Variants in BAIAP2 observed in about 807,000 individuals in gnomAD.
BAIAP2 encodes the protein BAR/IMD domain containing adaptor protein 2, also known as BAR/IMD domain-containing adapter protein 2.
In BAIAP2, 18 loss-of-function variants were observed where a neutral mutation model predicts 63.0. The ratio of observed to expected loss-of-function variants is 0.29; its 90% CI spans 0.20 to 0.42. BAIAP2 has a LOEUF of 0.42. Among genes scored for constraint, BAIAP2 ranks in the 10% least tolerant of loss-of-function variants. The pLI is 1.00. For synonymous variants in BAIAP2, 386 were observed against 307.6 expected (o/e 1.25, Z -2.67); for missense variants, 610 against 734.3 (o/e 0.83, Z 1.96).
At chr17:81,051,713 A>G (rs2048708852) in intron 1 of BAIAP2, among the ~76,000 whole-genome samples, 1 of 152,000 alleles carries the variant, frequency 6.6e-6, no homozygotes, top group Admixed American at 6.6e-5. Context: ...TTTTAGAGAC[A>G]GGGTCTCACT....
At chr17:81,036,261 C>G (rs1201328178) in intron 1 of BAIAP2, among the ~76,000 whole-genome samples, 1 of 152,230 alleles carries the variant, frequency 6.6e-6, no homozygotes, top group Non-Finnish European at 1.5e-5. Context: ...CTGGGTGTCC[C>G]TGGGTCCTGG....
intron 6 of BAIAP2, among the ~76,000 whole-genome samples, chr17:81,091,299 G>T (rs1331419395): frequency 3.3e-5 from 5 of 151,370 alleles, no homozygotes; most frequent in Non-Finnish European, 7.4e-5. Context: ...CCTGCTGGTT[G>T]CAGGGAAAGG....
At chr17:81,104,820 C>A in intron 10 of BAIAP2, 105 bp downstream of exon 10, 2 of 1,265,130 alleles carry the variant, frequency 1.6e-6, no homozygotes, top group Non-Finnish European at 2.2e-6. Context: ...AGTGGCTGTG[C>A]AGGTTGCGGG....
intron 2 of BAIAP2, chr17:81,057,626 TGAATAGCTC>T: frequency 8.2e-7 from 1 of 1,224,920 alleles, no homozygotes; most frequent in South Asian, 3.2e-5. Flanking sequence ...CAATTTGACT[TGAATAGCTC>T]AGGACCTGAA....
rs371249844 is a variant in BAIAP2, at chr17:81,104,016, C to T, written c.974C>T (p.Ser325Phe). 1.2e-6 allele frequency: 2 copies of T among 1,613,274 alleles called. No homozygotes were observed. Among genetic ancestry groups the T allele is most frequent in the Admixed American group, 1.7e-5 (1 of 60,032 alleles). The change falls in exon 9 of 14, where the codon TCT (serine) becomes TTT (phenylalanine). Residue 325 changes from serine (S) to phenylalanine (F), a missense_variant. Physicochemically the swap from Ser to Phe is radical, Grantham distance 155. Coordinates refer to ENST00000428708, the MANE Select transcript of BAIAP2 (RefSeq NM_001144888.2). ...DRKAAQPKSLSPPQSQSKLSD... is the reference protein window; with the variant it reads ...DRKAAQPKSLFPPQSQSKLSD... The stretch of plus-strand genomic sequence containing the variant: ...AAGGCTGCCCAGCCCAAATCCCTGT[C>T]TCCTCCGCAGTCTCAGAGCAAGCTC...
At chr17:81,081,960 C>T (rs944874629) in intron 3 of BAIAP2, among the ~76,000 whole-genome samples, 4 of 152,124 alleles carry the variant, frequency 2.6e-5, no homozygotes, top group Non-Finnish European at 5.9e-5. Flanking sequence ...AGGGCTGGGG[C>T]TGGCATCCGT....
At chr17:81,074,167 C>T (rs1296361328) in intron 3 of BAIAP2, among the ~76,000 whole-genome samples, 2 of 152,188 alleles carry the variant, frequency 1.3e-5, no homozygotes, top group African/African-American at 4.8e-5. Context: ...CGTGATGAGG[C>T]AGAGAAGGTC....
intron 10 of BAIAP2, chr17:81,105,773 G>C: frequency 3.2e-6 from 1 of 315,570 alleles, no homozygotes. Context: ...GTGGCTTAGC[G>C]TGACACTGGG....
intron 4 of BAIAP2, 87 bp downstream of exon 4, chr17:81,084,980 G>T: frequency 7.3e-7 from 1 of 1,371,472 alleles, no homozygotes; most frequent in Non-Finnish European, 1.0e-6. Context: ...GTCCACTTGG[G>T]AACAGTCCCA....
intron 3 of BAIAP2, among the ~76,000 whole-genome samples, chr17:81,072,767 C>T (rs2052929801): frequency 6.6e-6 from 1 of 151,920 alleles, no homozygotes; most frequent in Admixed American, 6.6e-5. Flanking sequence ...GCGTCCTCTG[C>T]TTGGAGGTGG....
At chr17:81,038,839 G>A (rs2046666394) in intron 1 of BAIAP2, among the ~76,000 whole-genome samples, 1 of 152,168 alleles carries the variant, frequency 6.6e-6, no homozygotes, top group Admixed American at 6.5e-5. Context: ...GGTGGGGGGT[G>A]GTCTCTGACA....
chr17:81,074,339 AGT>A (rs938414547), intron 3 of BAIAP2, among the ~76,000 whole-genome samples: 12 of 147,906 alleles, frequency 8.1e-5, no homozygotes, highest in Admixed American at 1.4e-4. Flanking sequence ...GATACGTGTG[AGT>A]GTGCGTGCAC....
chr17:81,051,497 T>G (rs1413495039), intron 1 of BAIAP2, among the ~76,000 whole-genome samples: 1 of 152,136 alleles, frequency 6.6e-6, no homozygotes, highest in Non-Finnish European at 1.5e-5. Context: ...CCTCCCAGGT[T>G]CAAGCGATTC....
intron 3 of BAIAP2, among the ~76,000 whole-genome samples, chr17:81,060,693 A>G (rs1171749851): frequency 6.6e-6 from 1 of 152,178 alleles, no homozygotes; most frequent in African/African-American, 2.4e-5. Context: ...TTTTTATGAA[A>G]GCAACACATC....
At chr17:81,069,898 G>A (rs774880706) in intron 3 of BAIAP2, among the ~76,000 whole-genome samples, 2 of 152,228 alleles carry the variant, frequency 1.3e-5, no homozygotes, top group Non-Finnish European at 2.9e-5. Flanking sequence ...CTTTGGAGAT[G>A]CACTTGTTGT....
At chr17:81,114,243 G>C (rs1321117883) in intron 13 of BAIAP2, among the ~76,000 whole-genome samples, 1 of 151,510 alleles carries the variant, frequency 6.6e-6, no homozygotes, top group Admixed American at 6.6e-5. Flanking sequence ...CAGAGTGCTG[G>C]GATTCTAGGC....
At chr17:81,084,676 C>T (rs115640568) in intron 3 of BAIAP2, among the ~76,000 whole-genome samples, 156 bp from the exon 4 acceptor site, 1,811 of 152,248 alleles carry the variant, frequency 0.012, 34 homozygotes, top group African/African-American at 0.041. Flanking sequence ...CTTTTGGTGT[C>T]CCCTCTCCGC....
chr17:81,109,748 G>A, intron 13 of BAIAP2: 1 of 985,436 alleles, frequency 1.0e-6, no homozygotes, highest in Non-Finnish European at 1.2e-6. Context: ...CGGGAGCAAG[G>A]TCGGGGGCAG....
Position 81,103,637 on chromosome 17 carries a change from G to A in BAIAP2, c.778G>A (p.Ala260Thr). 6.2e-7 allele frequency: 1 copy of A among 1,605,466 alleles called. No individual in the cohort carries two copies. Among genetic ancestry groups the A allele is most frequent in the African/African-American group, 1.3e-5 (1 of 75,004 alleles). Reference protein sequence around the residue: ...NGATLPSALSASKSNLVISDP... With the variant: ...NGATLPSALSTSKSNLVISDP... The stretch of plus-strand genomic sequence containing the variant: ...CGCCACCCTCCCCAGCGCCCTGTCG[G>A]CCTCCAAGTCCAACCTGGTCATTTC... Residue 260 changes from alanine to threonine, a missense_variant, in exon 8 of 14, where the codon GCC (alanine) becomes ACC (threonine). Ala to Thr is a moderately conservative substitution (Grantham distance 58). Coordinates refer to ENST00000428708, the MANE Select transcript of BAIAP2 (RefSeq NM_001144888.2).
Sources: allele counts gnomAD v4.1 joint callset (sites outside exome capture counted in the v4.1 genomes callset), GRCh38; gene constraint gnomAD v4.1.1; transcripts MANE v1.5; gene names NCBI Gene and HGNC (gene_info 2026-07-23, HGNC 2026-07-21).